PNKD: variants seen among roughly 807,000 people sequenced by gnomAD.
PNKD encodes the protein PNKD metallo-beta-lactamase domain containing.
Under a neutral mutation model 45.3 loss-of-function variants are expected in PNKD, and 36 were observed. The ratio of observed to expected loss-of-function variants is 0.80; its 90% CI spans 0.61 to 1.05. The LOEUF (loss-of-function observed/expected upper bound fraction) is 1.05, where lower values mean the gene tolerates loss of function less well. PNKD is among the 50% of genes least tolerant of loss of function. PNKD has a pLI of 0.00. For missense variants in PNKD, 511 were observed against 506.6 expected, an observed-to-expected ratio of 1.01 and a Z score of -0.08; for synonymous variants, 197 against 210.1, an observed-to-expected ratio of 0.94 and a Z score of 0.54.
chr2:218,313,385 A>G (rs1693673792), intron 2 of PNKD, among the ~76,000 whole-genome samples: 1 of 152,252 alleles, frequency 6.6e-6, no homozygotes, highest in African/African-American at 2.4e-5. Flanking sequence ...TACTGGGAGT[A>G]CAGGCATGAG....
At chr2:218,311,060 A>G (rs1175155104) in intron 2 of PNKD, among the ~76,000 whole-genome samples, 2 of 152,222 alleles carry the variant, frequency 1.3e-5, no homozygotes, top group Non-Finnish European at 2.9e-5. Context: ...TTGCACAACT[A>G]CAAAATCACC....
intron 2 of PNKD, among the ~76,000 whole-genome samples, chr2:218,338,816 A>G (rs1375928995): frequency 7.7e-6 from 1 of 130,118 alleles, no homozygotes; most frequent in Admixed American, 8.3e-5. Flanking sequence ...TTTTTGAGAC[A>G]GGGTCTTGTT....
chr2:218,339,861 T>C lies in PNKD; in HGVS notation c.315T>C (p.Pro105=), dbSNP rs1694617354. ...QQLRRARNRY[P]KGHSKTQPRL... is the part of the protein sequence containing the mutation. ...TGCGCAGGGCTCGGAATCGCTACCC[T>C]AAAGGCCACTCGAAAACCCAGCCCC... Residue 105 remains proline, a synonymous_variant, in exon 3 of 10, where the codon CCT becomes CCC. Coordinates refer to ENST00000273077, the MANE Select transcript of PNKD (RefSeq NM_015488.5). 6.2e-7 allele frequency: 1 copy of C among 1,610,062 alleles called. No homozygotes were observed. Among genetic ancestry groups the C allele is most frequent in the Non-Finnish European group, 8.5e-7 (1 of 1,178,272 alleles).
intron 2 of PNKD, among the ~76,000 whole-genome samples, chr2:218,285,478 ACAC>A (rs2106225691): frequency 6.6e-6 from 1 of 152,102 alleles, no homozygotes; most frequent in Admixed American, 6.5e-5. Flanking sequence ...CAGGCCCTCC[ACAC>A]CACCACAGGG....
chr2:218,276,480 C>T (rs1559500094), intron 2 of PNKD, among the ~76,000 whole-genome samples: 1 of 152,108 alleles, frequency 6.6e-6, no homozygotes, highest in Middle Eastern at 3.2e-3. Flanking sequence ...TATCAAAATC[C>T]GGGAGCACCC....
chr2:218,272,770 T>C, intron 2 of PNKD: 2 of 1,614,058 alleles, frequency 1.2e-6, no homozygotes, highest in Non-Finnish European at 8.5e-7. Flanking sequence ...TGAGGAGCGC[T>C]GCGACCCTCC....
chr2:218,271,037 A>G (rs528540531), intron 1 of PNKD: 17 of 470,752 alleles, frequency 3.6e-5, no homozygotes, highest in African/African-American at 3.3e-4. Context: ...TTCCAGTGCT[A>G]ACATTTGCAG....
intron 1 of PNKD, 101 bp from the exon 2 acceptor site, chr2:218,271,280 C>T: frequency 2.0e-6 from 2 of 983,448 alleles, no homozygotes; most frequent in Non-Finnish European, 3.3e-6. Context: ...ACTCCCCTTC[C>T]CCAGATCTCA....
intron 2 of PNKD, among the ~76,000 whole-genome samples, chr2:218,297,310 T>C (rs575741956): frequency 3.9e-5 from 6 of 152,296 alleles, no homozygotes; most frequent in African/African-American, 1.4e-4. Flanking sequence ...AATGGTGGAT[T>C]TGGATGTCTC....
At chr2:218,282,114 A>G in intron 2 of PNKD, 1 of 1,538,060 alleles carries the variant, frequency 6.5e-7, no homozygotes, top group South Asian at 1.2e-5. Flanking sequence ...CGGTCTTCAT[A>G]TGGTGGTGGG....
chr2:218,323,213 G>A (rs1038246012), intron 2 of PNKD: 18 of 1,425,434 alleles, frequency 1.3e-5, no homozygotes, highest in Middle Eastern at 2.4e-4. Context: ...GCCGGGGCCG[G>A]GCCGTTGCCT....
chr2:218,281,613 C>A (rs1681065810), intron 2 of PNKD, among the ~76,000 whole-genome samples: 1 of 152,232 alleles, frequency 6.6e-6, no homozygotes, highest in South Asian at 2.1e-4. Context: ...AGCTTGTTGG[C>A]CGCTTGTTGG....
chr2:218,310,912 G>A (rs1335861685), intron 2 of PNKD, among the ~76,000 whole-genome samples: 1 of 152,058 alleles, frequency 6.6e-6, no homozygotes, highest in African/African-American at 2.4e-5. Context: ...CCTTTTCTAG[G>A]TTTAGATACA....
At chr2:218,314,683 T>C (rs1305079034) in intron 2 of PNKD, among the ~76,000 whole-genome samples, 1 of 151,988 alleles carries the variant, frequency 6.6e-6, no homozygotes, top group Non-Finnish European at 1.5e-5. Context: ...ATCAAGTATA[T>C]TTAAGTTCGT....
chr2:218,308,188 A>ATTT (rs36099207), intron 2 of PNKD, among the ~76,000 whole-genome samples: 8 of 137,592 alleles, frequency 5.8e-5, no homozygotes, highest in African/African-American at 1.1e-4. Context: ...AGCATTTTAG[A>ATTT]TTTTTTTTTT....
chr2:218,338,736 G>A (rs1453617970), intron 2 of PNKD, among the ~76,000 whole-genome samples: 2 of 150,584 alleles, frequency 1.3e-5, no homozygotes, highest in African/African-American at 2.4e-5. Flanking sequence ...CACCTGCCTC[G>A]GCCTCCCAAA....
chr2:218,293,521 T>G (rs1439976078), intron 2 of PNKD, among the ~76,000 whole-genome samples: 1 of 151,782 alleles, frequency 6.6e-6, no homozygotes, highest in African/African-American at 2.4e-5. Context: ...CCAACTCTGT[T>G]TAAAGTGCTT....
At chr2:218,302,112 G>A (rs1296774199) in intron 2 of PNKD, among the ~76,000 whole-genome samples, 1 of 152,228 alleles carries the variant, frequency 6.6e-6, no homozygotes, top group Non-Finnish European at 1.5e-5. Flanking sequence ...CACTTTGGGA[G>A]GCCGAGGCAG....
intron 2 of PNKD, chr2:218,275,665 G>A: frequency 4.4e-6 from 7 of 1,582,580 alleles, no homozygotes; most frequent in Non-Finnish European, 6.0e-6. Flanking sequence ...AGGCATCAGT[G>A]TCCAGAGCTC....
Sources: gnomAD v4.1 joint callset for allele counts (sites outside exome capture counted in the v4.1 genomes callset) on GRCh38, gnomAD v4.1.1 for gene constraint, MANE v1.5 for transcripts, NCBI Gene and HGNC (gene_info 2026-07-23, HGNC 2026-07-21) for gene names.